Variants in CDK5RAP2 observed in about 807,000 individuals in gnomAD.
CDK5RAP2 encodes the protein CDK5 regulatory subunit-associated protein 2.
CDK5RAP2 carries 147 observed loss-of-function variants against 232.9 expected under a neutral mutation model. The observed-to-expected ratio is 0.63, with a 90% CI of 0.55 to 0.72. The LOEUF is 0.72. Ranked by LOEUF, CDK5RAP2 falls within the 30% of genes least tolerant of loss-of-function variation. The pLI, the probability that CDK5RAP2 is intolerant of heterozygous loss-of-function variation, is 0.00. For synonymous variants in CDK5RAP2, 833 were observed against 833.7 expected, an observed-to-expected ratio of 1.00 and a Z score of 0.01; for missense variants, 2,195 against 2,231.5, an observed-to-expected ratio of 0.98 and a Z score of 0.33.
chr9:120,483,182 C>T (rs1456125897), intron 14 of CDK5RAP2, among the ~76,000 whole-genome samples: 1 of 152,220 alleles, frequency 6.6e-6, no homozygotes, highest in Admixed American at 6.5e-5. Context: ...TCTGGCTCTG[C>T]GACGTGTTCT....
chr9:120,422,672 TA>T lies in CDK5RAP2; in HGVS notation c.4004+20del. The T allele has an allele frequency of 6.3e-7, 1 of 1,599,530 alleles. No homozygotes were observed. ...CCTAGAAAGTCCTGGGAAGTCTTCT[TA>T]ACAAATGTTACACACTCACCTCTCC... On this transcript the variant is annotated intron_variant, in intron 26 of 37. Coordinates refer to ENST00000349780, the MANE Select transcript of CDK5RAP2 (RefSeq NM_018249.6).
rs142300381 is a variant in CDK5RAP2, at chr9:120,408,884, A to T, written c.4604+243T>A. On this transcript the variant is annotated intron_variant, in intron 30 of 37. Transcript: ENST00000349780. ...GCATTCAGCTCTCTGAGCAAATGGC[A>T]TCTTTTCACAAAGGCCTTCCCTGAC... Among the ~76,000 whole-genome samples the T allele has an allele frequency of 3.4e-3, 515 of 152,384 alleles. 3 individuals are homozygous for T. The highest frequency in any genetic ancestry group is 0.011 in the African/African-American group (476 of 41,592).
At chr9:120,520,023 C>T (rs994287024) in intron 11 of CDK5RAP2, among the ~76,000 whole-genome samples, 2 of 151,962 alleles carry the variant, frequency 1.3e-5, no homozygotes, top group African/African-American at 2.4e-5. Flanking sequence ...TGTGGTATTT[C>T]GTTAATACAC....
intron 14 of CDK5RAP2, among the ~76,000 whole-genome samples, chr9:120,484,455 C>G (rs534848216): frequency 1.3e-5 from 2 of 152,090 alleles, no homozygotes; most frequent in African/African-American, 4.8e-5. Flanking sequence ...GGTGCAGTGG[C>G]TCATGCCTGT....
At chr9:120,579,442 C>A (rs887337057) in intron 1 of CDK5RAP2, among the ~76,000 whole-genome samples, 4 of 152,176 alleles carry the variant, frequency 2.6e-5, no homozygotes, top group Non-Finnish European at 5.9e-5. Flanking sequence ...TTTTGTCCAA[C>A]TCTAGCCAAG....
At chr9:120,418,060 G>A (rs2034342390) in intron 27 of CDK5RAP2, among the ~76,000 whole-genome samples, 1 of 152,180 alleles carries the variant, frequency 6.6e-6, no homozygotes, top group Admixed American at 6.5e-5. Flanking sequence ...AACGTTAAGT[G>A]AGAAAAATAC....
intron 5 of CDK5RAP2, among the ~76,000 whole-genome samples, chr9:120,543,725 GCA>G (rs1244419689): frequency 6.6e-6 from 1 of 152,130 alleles, no homozygotes; most frequent in African/African-American, 2.4e-5. Context: ...GAGCATGGCG[GCA>G]CATGCCTGTA....
chr9:120,403,173 C>T lies in CDK5RAP2; in HGVS notation c.5042-102G>A, dbSNP rs1269134360. 18 of 1,264,966 alleles carry T rather than the reference C, an allele frequency of 1.4e-5. No individual in the cohort carries two copies. Among genetic ancestry groups the T allele is most frequent in the Admixed American group, 1.1e-4 (6 of 55,522 alleles). 78.4% of individuals were successfully genotyped at this position (1,264,966 alleles called of 1,614,324 possible). ...AGCTAGGAGGGCTAGAAGAGGCCCT[C>T]GTGCCCAAATGCCACCCAACACAAG... On this transcript the variant is annotated intron_variant, in intron 33 of 37. Transcript: ENST00000349780. This position sits in a 1 kb window ranked among gnomAD's most constrained non-coding sequence, Gnocchi z 4.2.
At chr9:120,507,295 A>G (rs1056712988) in intron 12 of CDK5RAP2, among the ~76,000 whole-genome samples, 1 of 152,192 alleles carries the variant, frequency 6.6e-6, no homozygotes, top group Non-Finnish European at 1.5e-5. Context: ...CTTTATTCCA[A>G]TCCCTAATAT....
At chr9:120,497,421 TAAAAAAA>T (rs71385064) in intron 12 of CDK5RAP2, among the ~76,000 whole-genome samples, 31 of 23,300 alleles carry the variant, frequency 1.3e-3, no homozygotes, top group Middle Eastern at 0.031. Flanking sequence ...AAAATAAATT[TAAAAAAA>T]AAAAAAAAAA....
intron 31 of CDK5RAP2, chr9:120,407,719 A>AT (rs1440243564): frequency 2.5e-5 from 4 of 163,124 alleles, no homozygotes; most frequent in Admixed American, 1.7e-4. Context: ...AATAAAAAAA[A>AT]AAAAAAAACA....
chr9:120,439,583 C>T lies in CDK5RAP2; in HGVS notation c.3538G>A (p.Val1180Met), dbSNP rs779152652. 3.1e-6 allele frequency: 5 copies of T among 1,614,216 alleles called. No individual in the cohort carries two copies. Among genetic ancestry groups the T allele is most frequent in the Non-Finnish European group, 4.2e-6 (5 of 1,180,032 alleles). The change falls in exon 24 of 38, where the codon GTG (valine) becomes ATG (methionine). Residue 1180 changes from valine to methionine, a missense_variant. Val to Met is a conservative substitution (Grantham distance 21). Transcript: ENST00000349780. The stretch of plus-strand genomic sequence containing the variant: ...GGACCGAGGATTTTCACGTGTTTCA[C>T]GTATCGCACTTGGTGCAAACTTGAA... ...TFSSLHQVRY[V>M]KHVKILGPLA...
At chr9:120,441,956 G>A (rs1035316159) in intron 23 of CDK5RAP2, among the ~76,000 whole-genome samples, 2 of 152,130 alleles carry the variant, frequency 1.3e-5, no homozygotes, top group Admixed American at 6.5e-5. Flanking sequence ...GAGGAACTGG[G>A]GAGGGAGATA....
chr9:120,416,646 T>C (rs2034239738), intron 27 of CDK5RAP2, among the ~76,000 whole-genome samples: 1 of 152,216 alleles, frequency 6.6e-6, no homozygotes, highest in African/African-American at 2.4e-5. Context: ...CTCTGCCACA[T>C]CTCACTTTAA....
chr9:120,523,891 T>A (rs1411355450), intron 11 of CDK5RAP2, among the ~76,000 whole-genome samples: 3 of 152,066 alleles, frequency 2.0e-5, no homozygotes, highest in African/African-American at 4.8e-5. Context: ...CAGGAGTCCT[T>A]GTAGTACAAC....
chr9:120,460,567 C>CCTA lies in CDK5RAP2; in HGVS notation c.2202+2_2202+4dup. On this transcript the variant is annotated splice_donor_region_variant and intron_variant, in intron 19 of 37. Coordinates refer to ENST00000349780, the MANE Select transcript of CDK5RAP2 (RefSeq NM_018249.6). The stretch of plus-strand genomic sequence containing the variant: ...GAAATAAGGAGTTAACTGAAAGGTT[C>CCTA]CTACCTCATTACTCTGCTGCAAATG... 6.2e-7 allele frequency: 1 copy of CCTA among 1,613,604 alleles called. No homozygotes were observed. Among genetic ancestry groups the CCTA allele is most frequent in the Non-Finnish European group, 8.5e-7 (1 of 1,179,582 alleles).
At chr9:120,568,455 T>C (rs1170961953) in intron 2 of CDK5RAP2, 67 bp from the exon 3 acceptor site, 4 of 1,116,882 alleles carry the variant, frequency 3.6e-6, no homozygotes, top group East Asian at 4.7e-5. Context: ...TATTGGGGAA[T>C]AGAGCACAGA....
At chr9:120,546,740 C>A (rs143821936) in intron 4 of CDK5RAP2, among the ~76,000 whole-genome samples, 86 of 152,072 alleles carry the variant, frequency 5.7e-4, no homozygotes, top group African/African-American at 2.0e-3. Flanking sequence ...CTCAAGGGAT[C>A]CTCCCACCTC....
rs1318576513 is a variant in CDK5RAP2 at position 120,422,717 on chromosome 9, T to C, written c.3980A>G (p.Asn1327Ser). The C allele has an allele frequency of 1.2e-6, 2 of 1,613,402 alleles. No homozygotes were observed. Among genetic ancestry groups the C allele is most frequent in the Non-Finnish European group, 8.5e-7 (1 of 1,179,364 alleles). The change falls in exon 26 of 38, where the codon AAC becomes AGC. Residue 1327 changes from asparagine to serine, a missense_variant. Coordinates refer to ENST00000349780, the MANE Select transcript of CDK5RAP2 (RefSeq NM_018249.6). ...LNGKSVGVEM[N>S]TQNELMERIE... ...CCTCTCCATCAGTTCATTCTGGGTGTTCATTTCCACTCCAACTGATTTTCC... is the reference window on the plus strand; with the variant it reads ...CCTCTCCATCAGTTCATTCTGGGTGCTCATTTCCACTCCAACTGATTTTCC...
Sources: gnomAD v4.1 joint callset for allele counts (sites outside exome capture counted in the v4.1 genomes callset) on GRCh38, gnomAD v4.1.1 for gene constraint, Gnocchi (gnomAD v3.1) non-coding constraint, MANE v1.5 for transcripts, NCBI Gene and HGNC (gene_info 2026-07-23, HGNC 2026-07-21) for gene names.